NUP155: variants seen among roughly 807,000 people sequenced by gnomAD.
The protein encoded by NUP155 is nuclear pore complex protein Nup155.
In NUP155, 71 loss-of-function variants were observed where a neutral mutation model predicts 180.4. That is an observed-to-expected ratio of 0.39 (90% CI 0.33 to 0.48). The LOEUF is 0.48. Ranked by LOEUF, NUP155 falls within the 20% of genes least tolerant of loss-of-function variation. The probability of loss-of-function intolerance (pLI) is 0.91; values close to 1 mark genes in which losing one functional copy is unlikely to be tolerated. For missense variants in NUP155, 1,553 were observed against 1,648.9 expected (o/e 0.94, Z 1.01); for synonymous variants, 582 against 559.5 (o/e 1.04, Z -0.57).
intron 22 of NUP155, 30 bp downstream of exon 22, chr5:37,314,168 G>C: frequency 6.7e-7 from 1 of 1,492,548 alleles, no homozygotes; most frequent in East Asian, 2.3e-5. Context: ...AGTATTAATG[G>C]TATAATCATA....
At chr5:37,330,190 G>A in intron 14 of NUP155, 58 bp from the exon 15 acceptor site, 3 of 1,184,596 alleles carry the variant, frequency 2.5e-6, no homozygotes, top group Non-Finnish European at 3.7e-6. Context: ...AATGATTTGT[G>A]TACTGCTAGA....
At chr5:37,367,591 G>A (rs1207544024) in intron 1 of NUP155, among the ~76,000 whole-genome samples, 2 of 150,144 alleles carry the variant, frequency 1.3e-5, no homozygotes, top group East Asian at 3.9e-4. Flanking sequence ...GGAATGCAGT[G>A]GCGCGATCTC....
intron 21 of NUP155, 109 bp downstream of exon 21, chr5:37,317,879 A>G: frequency 2.6e-6 from 2 of 775,032 alleles, no homozygotes; most frequent in Non-Finnish European, 4.7e-6. Context: ...TTAATTACAA[A>G]TATTTGTGTA....
chr5:37,342,781 G>A (rs1745816094), intron 9 of NUP155, 135 bp from the exon 10 acceptor site: 8 of 649,350 alleles, frequency 1.2e-5, no homozygotes, highest in Middle Eastern at 8.7e-4. Flanking sequence ...CTGTCACCCA[G>A]GCTGGAGGAG....
rs549444625 is a variant in NUP155, at chr5:37,289,172, T to C, written c.*2728A>G. ...AACAAACAAACAGACAATAGCAGGG[T>C]GTAGCAGCACGTGCCTGTAGTCCCA... On this transcript the variant is annotated 3_prime_UTR_variant, in exon 35 of 35. Transcript: ENST00000231498. 2 of 154,304 alleles carry C rather than the reference T, an allele frequency of 1.3e-5. No individual in the cohort carries two copies. Among genetic ancestry groups the C allele is most frequent in the Admixed American group, 1.3e-4 (2 of 15,324 alleles). The allele number at this position is 154,304 out of a possible 1,614,324, so 9.6% of individuals were successfully genotyped here. A position where few individuals can be genotyped will look rare whatever the true frequency, so the allele number is the denominator to read the frequency against.
At chr5:37,364,841 T>G (rs1224200116) in intron 1 of NUP155, among the ~76,000 whole-genome samples, 1 of 151,794 alleles carries the variant, frequency 6.6e-6, no homozygotes, top group Non-Finnish European at 1.5e-5. Context: ...TTTCACCGTG[T>G]TAGCCAGGCT....
intron 32 of NUP155, among the ~76,000 whole-genome samples, chr5:37,296,164 A>G (rs1256942280): frequency 2.1e-4 from 32 of 151,744 alleles, no homozygotes; most frequent in Non-Finnish European, 3.5e-4. Flanking sequence ...CCACCACCCC[A>G]TCTGGGAGGT....
Position 37,338,342 on chromosome 5 carries a change from A to G in NUP155, c.1247-424T>C, listed in dbSNP as rs554160642. 2.3e-3 allele frequency among the ~76,000 whole-genome samples: 343 copies of G among 150,288 alleles called. 1 individual carries two copies. The highest frequency in any genetic ancestry group is 8.2e-3 in the African/African-American group (334 of 40,574). ...CAAAAAAAAAAAAAAAAAAAATTTT[A>G]CAAAACCACACGTACTTTTATGCCA... On this transcript the variant is annotated intron_variant, in intron 11 of 34. Coordinates refer to ENST00000231498, the MANE Select transcript of NUP155 (RefSeq NM_153485.3).
At chr5:37,334,581 A>G (rs963825441) in intron 12 of NUP155, among the ~76,000 whole-genome samples, 1 of 152,040 alleles carries the variant, frequency 6.6e-6, no homozygotes, top group African/African-American at 2.4e-5. Flanking sequence ...GGCTTTTGCC[A>G]TGTTGGCCAG....
chr5:37,350,109 C>CA, intron 7 of NUP155, 51 bp downstream of exon 7: 1 of 1,189,106 alleles, frequency 8.4e-7, no homozygotes, highest in East Asian at 2.3e-5. Flanking sequence ...GTTGAGGGAA[C>CA]AATGTGTTAG....
chr5:37,366,886 G>A (rs569650370), intron 1 of NUP155, among the ~76,000 whole-genome samples: 2 of 152,062 alleles, frequency 1.3e-5, no homozygotes, highest in East Asian at 3.9e-4. Flanking sequence ...TCCCGACCTC[G>A]TGATCTGCCC....
At chr5:37,362,688 G>A (rs532308198) in intron 3 of NUP155, among the ~76,000 whole-genome samples, 42 of 152,170 alleles carry the variant, frequency 2.8e-4, no homozygotes, top group African/African-American at 9.9e-4. Context: ...AACAAAAAAG[G>A]TTTCATTATT....
chr5:37,294,440 C>T lies in NUP155; in HGVS notation c.3819G>A (p.Gln1273=), dbSNP rs747863518. The T allele has an allele frequency of 6.2e-7, 1 of 1,613,770 alleles. No individual in the cohort carries two copies. Among genetic ancestry groups the T allele is most frequent in the Non-Finnish European group, 8.5e-7 (1 of 1,179,812 alleles). Residue 1273 remains glutamine, a synonymous_variant, in exon 33 of 35, where the codon CAG becomes CAA. Transcript: ENST00000231498. Reference sequence around the variant, plus strand: ...CATCCCAGTTCAAAGTACAAACCTGCTGTTCTAAAAACTGTACAATAAAAT... The same window carrying T: ...CATCCCAGTTCAAAGTACAAACCTGTTGTTCTAAAAACTGTACAATAAAAT... ...PLDFIVQFLE[Q]QVCTLNWDVG... is the part of the protein sequence containing the mutation.
intron 32 of NUP155, among the ~76,000 whole-genome samples, chr5:37,294,811 G>T (rs1351144966): frequency 1.3e-5 from 2 of 152,104 alleles, no homozygotes; most frequent in Non-Finnish European, 2.9e-5. Context: ...CAAATCTAAA[G>T]TAGATTAGTG....
At chr5:37,358,455 T>C (rs965534753) in intron 3 of NUP155, among the ~76,000 whole-genome samples, 4 of 151,968 alleles carry the variant, frequency 2.6e-5, no homozygotes, top group African/African-American at 9.7e-5. Context: ...TGAGAGCCTG[T>C]CTCAAAAAAG....
At chr5:37,354,034 C>T (rs558591327) in intron 4 of NUP155, among the ~76,000 whole-genome samples, 1 of 152,050 alleles carries the variant, frequency 6.6e-6, no homozygotes, top group Non-Finnish European at 1.5e-5. Context: ...GAAAATAAAA[C>T]TTACACCTAT....
chr5:37,348,660 T>C, intron 8 of NUP155, 64 bp from the exon 9 acceptor site: 1 of 960,476 alleles, frequency 1.0e-6, no homozygotes, highest in East Asian at 2.5e-5. Context: ...TATTAAACTC[T>C]TTCTTTTAAG....
At chr5:37,346,277 GA>G (rs35461317) in intron 9 of NUP155, among the ~76,000 whole-genome samples, 4,314 of 143,674 alleles carry the variant, frequency 0.03, 213 homozygotes, top group African/African-American at 0.1. Context: ...AACCCTGTCT[GA>G]AAAAAAAAAC....
chr5:37,303,329 C>A lies in NUP155; in HGVS notation c.3248G>T (p.Arg1083Leu). 2 of 1,614,056 alleles carry A rather than the reference C, an allele frequency of 1.2e-6. No homozygotes were observed. The highest frequency in any genetic ancestry group is 1.7e-6 in the Non-Finnish European group (2 of 1,179,952). ...GAAACTTCTGTTCTTCTCGTAATAC[C>A]GCCAGAGTAAATCCATATAACGAAC... is the stretch of plus-strand genomic sequence containing the variant. The part of the protein sequence containing the change: ...NRVRYMDLLW[R>L]YYEKNRSFSN... The change falls in exon 28 of 35, where the codon CGG (arginine) becomes CTG (leucine). Residue 1083 changes from arginine to leucine, a missense_variant. By Grantham distance (102) the Arg-to-Leu change is moderately radical (BLOSUM62 -2). Transcript: ENST00000231498.
Sources: gnomAD v4.1 joint callset for allele counts (sites outside exome capture counted in the v4.1 genomes callset) on GRCh38, gnomAD v4.1.1 for gene constraint, MANE v1.5 for transcripts, NCBI Gene and HGNC (gene_info 2026-07-23, HGNC 2026-07-21) for gene names.